The following ASAP1 variants were observed in gnomAD, a reference collection of about 807,000 sequenced individuals.
ASAP1 encodes arf-GAP with SH3 domain, ANK repeat and PH domain-containing protein 1.
A neutral mutation model predicts 145.2 loss-of-function variants in ASAP1; 43 were observed. The observed-to-expected ratio is 0.30, with a 90% CI of 0.23 to 0.38. ASAP1 has a LOEUF of 0.38. ASAP1 is among the 10% of genes least tolerant of loss of function. The pLI, the probability that ASAP1 is intolerant of heterozygous loss-of-function variation, is 1.00. For missense variants in ASAP1, 1,018 were observed against 1,355.3 expected, an observed-to-expected ratio of 0.75 and a Z score of 3.91; for synonymous variants, 546 against 515.5, an observed-to-expected ratio of 1.06 and a Z score of -0.80.
At chr8:130,349,885 G>A (rs1825901348) in intron 3 of ASAP1, among the ~76,000 whole-genome samples, 1 of 152,182 alleles carries the variant, frequency 6.6e-6, no homozygotes, top group Non-Finnish European at 1.5e-5. Flanking sequence ...GACATGAAGT[G>A]TAGCCCCAAA....
chr8:130,156,709 T>C (rs1439126033), intron 12 of ASAP1, among the ~76,000 whole-genome samples: 1 of 152,222 alleles, frequency 6.6e-6, no homozygotes, highest in East Asian at 1.9e-4. Flanking sequence ...TGAGTGTTCA[T>C]ACTTACTGTC....
chr8:130,229,764 G>C (rs377448540), intron 4 of ASAP1, among the ~76,000 whole-genome samples: 1 of 152,284 alleles, frequency 6.6e-6, no homozygotes, highest in East Asian at 1.9e-4. Flanking sequence ...AATAGGCTGG[G>C]CGTGCTGGCT....
At chr8:130,181,018 A>C in intron 7 of ASAP1, 138 bp from the exon 8 acceptor site, 4 of 408,164 alleles carry the variant, frequency 9.8e-6, no homozygotes, top group African/African-American at 2.5e-5. Context: ...CAATTGTACC[A>C]CTCTGGTGGG....
rs1298332299 is a variant in ASAP1 at position 130,118,238 on chromosome 8, C to T, written c.1803G>A (p.Gly601=). 7.4e-6 allele frequency: 12 copies of T among 1,613,600 alleles called. No individual in the cohort carries two copies. Among genetic ancestry groups the T allele is most frequent in the Non-Finnish European group, 1.0e-5 (12 of 1,179,816 alleles). ...EPLLEPGQEL[G]ETALHLAVRT... Reference sequence around the variant, plus strand: ...GGACGGCAAGGTGAAGGGCTGTCTCCCCAAGCTCCTAAAAAGGGAAAGAAA... The same window carrying T: ...GGACGGCAAGGTGAAGGGCTGTCTCTCCAAGCTCCTAAAAAGGGAAAGAAA... The change falls in exon 20 of 30, where the codon GGG becomes GGA. Residue 601 remains glycine, a synonymous_variant. Coordinates refer to ENST00000518721, the MANE Select transcript of ASAP1 (RefSeq NM_018482.4).
intron 1 of ASAP1, among the ~76,000 whole-genome samples, chr8:130,416,100 C>T (rs1350288894): frequency 1.3e-5 from 2 of 152,130 alleles, no homozygotes; most frequent in Non-Finnish European, 2.9e-5. Flanking sequence ...CCAGGCGCAG[C>T]GGGCCACACC....
chr8:130,239,748 C>G (rs1282423040), intron 3 of ASAP1, among the ~76,000 whole-genome samples: 1 of 152,212 alleles, frequency 6.6e-6, no homozygotes, highest in Non-Finnish European at 1.5e-5. Context: ...TTTTAAAATG[C>G]TAAAAATAGT....
intron 3 of ASAP1, among the ~76,000 whole-genome samples, chr8:130,260,644 C>A (rs1223039054): frequency 1.3e-5 from 2 of 151,962 alleles, no homozygotes; most frequent in African/African-American, 2.4e-5. Context: ...GGAGCACTGG[C>A]CCAGGCTAGC....
intron 18 of ASAP1, among the ~76,000 whole-genome samples, chr8:130,121,784 CAA>C (rs56996962): frequency 0.021 from 522 of 25,228 alleles, no homozygotes; most frequent in Non-Finnish European, 0.034. Flanking sequence ...AATTCCATCT[CAA>C]AAAAAAAAAA....
At chr8:130,161,997 A>G (rs1401741932) in intron 11 of ASAP1, among the ~76,000 whole-genome samples, 1 of 151,944 alleles carries the variant, frequency 6.6e-6, no homozygotes, top group Non-Finnish European at 1.5e-5. Flanking sequence ...ATGGGGTTTC[A>G]CTGTGTTGCC....
In ASAP1 at chr8:130,101,732, A is replaced by ATTTTTTTTTTTTTTTTTTTT. The variant is rs59778799; in HGVS notation, c.2402-9609_2402-9590dup. On this transcript the variant is annotated intron_variant, in intron 24 of 29. Transcript: ENST00000518721. ...AGGCATGTGCTACCACACCTGGTTA[A>ATTTTTTTTTTTTTTTTTTTT]TTTTTTTTTTTTTTTTTTTTGCAGA... 7.4e-4 allele frequency among the ~76,000 whole-genome samples: 64 copies of ATTTTTTTTTTTTTTTTTTTT among 86,906 alleles called. 5 individuals are homozygous for ATTTTTTTTTTTTTTTTTTTT. Among genetic ancestry groups the ATTTTTTTTTTTTTTTTTTTT allele is most frequent in the African/African-American group, 1.5e-3 (28 of 18,086 alleles). 57.0% of individuals were successfully genotyped at this position (86,906 alleles called of 152,430 possible).
At chr8:130,234,051 T>G (rs568517295) in intron 4 of ASAP1, among the ~76,000 whole-genome samples, 1 of 152,154 alleles carries the variant, frequency 6.6e-6, no homozygotes, top group Non-Finnish European at 1.5e-5. Flanking sequence ...CCTGTTTTTG[T>G]TTTTAAGAGT....
At chr8:130,357,201 C>G (rs1310538420) in intron 3 of ASAP1, among the ~76,000 whole-genome samples, 1 of 152,046 alleles carries the variant, frequency 6.6e-6, no homozygotes, top group African/African-American at 2.4e-5. Flanking sequence ...TTGGCCCTGC[C>G]CCCCACCCCC....
intron 4 of ASAP1, among the ~76,000 whole-genome samples, chr8:130,221,454 CTTG>C (rs970317445): frequency 9.2e-5 from 14 of 152,056 alleles, no homozygotes; most frequent in African/African-American, 3.1e-4. Context: ...ATAAATAAAC[CTTG>C]TTAAAATAAT....
intron 2 of ASAP1, chr8:130,360,737 T>C (rs187647793): frequency 3.9e-5 from 6 of 152,386 alleles, no homozygotes; most frequent in Admixed American, 3.3e-4. Context: ...ACACCAAGTT[T>C]GAAGTTCAGA....
At chr8:130,176,945 C>T (rs938143895) in intron 9 of ASAP1, among the ~76,000 whole-genome samples, 2 of 152,154 alleles carry the variant, frequency 1.3e-5, no homozygotes, top group African/African-American at 4.8e-5. Context: ...CTGCCTCAGC[C>T]TCCCAAAGTG....
At chr8:130,252,956 C>T (rs1865968773) in intron 3 of ASAP1, among the ~76,000 whole-genome samples, 1 of 152,114 alleles carries the variant, frequency 6.6e-6, no homozygotes, top group Admixed American at 6.6e-5. Context: ...CAGATTGGAA[C>T]AGTTTGGAAA....
At chr8:130,265,883 A>T (rs1820213444) in intron 3 of ASAP1, among the ~76,000 whole-genome samples, 1 of 152,170 alleles carries the variant, frequency 6.6e-6, no homozygotes, top group African/African-American at 2.4e-5. Context: ...GTCTCCCCCG[A>T]AAAAAGCAAA....
chr8:130,317,500 G>A (rs533325458), intron 3 of ASAP1, among the ~76,000 whole-genome samples: 2 of 152,308 alleles, frequency 1.3e-5, no homozygotes, highest in Non-Finnish European at 2.9e-5. Flanking sequence ...AAGTGAAGGG[G>A]CTGGACCTGT....
At position 130,237,136 on chromosome 8, in the gene ASAP1, ATCAGAC is replaced by A; in HGVS notation, c.187-148_187-143del. ...GACATATTCATTAACAATGAATCAT[ATCAGAC>A]TGGAAGTCCCTGGGATCTGAGTAGT... On this transcript the variant is annotated intron_variant, in intron 3 of 29. Transcript: ENST00000518721. The A allele has an allele frequency of 1.5e-5, 9 of 615,842 alleles. No individual in the cohort carries two copies. The South Asian group carries it at 2.2e-4, about 15-fold the overall frequency. 38.1% of individuals were successfully genotyped at this position (615,842 alleles called of 1,614,324 possible).
Sources: gnomAD v4.1 joint callset for allele counts (sites outside exome capture counted in the v4.1 genomes callset) on GRCh38, gnomAD v4.1.1 for gene constraint, MANE v1.5 for transcripts, NCBI Gene and HGNC (gene_info 2026-07-23, HGNC 2026-07-21) for gene names.